RPTOR: variants seen among roughly 807,000 people sequenced by gnomAD.
The protein encoded by RPTOR is regulatory-associated protein of mTOR.
Under a neutral mutation model 169.9 loss-of-function variants are expected in RPTOR, and 21 were observed. The ratio of observed to expected loss-of-function variants is 0.12; its 90% CI spans 0.09 to 0.18. RPTOR has a LOEUF of 0.18. Among genes scored for constraint, RPTOR ranks in the 10% least tolerant of loss-of-function variants. The pLI is 1.00. For synonymous variants in RPTOR, 732 were observed against 753.2 expected, an observed-to-expected ratio of 0.97 and a Z score of 0.46; for missense variants, 1,133 against 1,855.9, an observed-to-expected ratio of 0.61 and a Z score of 7.16.
intron 4 of RPTOR, among the ~76,000 whole-genome samples, chr17:80,720,048 T>G (rs1422337956): frequency 6.6e-6 from 1 of 152,220 alleles, no homozygotes; most frequent in Non-Finnish European, 1.5e-5. Flanking sequence ...ACGCCTGTAA[T>G]CCCAACACTT....
At chr17:80,638,910 A>C (rs929783337) in intron 2 of RPTOR, among the ~76,000 whole-genome samples, 3 of 152,176 alleles carry the variant, frequency 2.0e-5, no homozygotes, top group African/African-American at 4.8e-5. Context: ...AGACTGTAAA[A>C]GATCTCGCTC....
chr17:80,839,036 G>C (rs1413163906), intron 10 of RPTOR, among the ~76,000 whole-genome samples: 1 of 152,246 alleles, frequency 6.6e-6, no homozygotes, highest in Non-Finnish European at 1.5e-5. Flanking sequence ...GGGCACCGAT[G>C]GTCAGGAAGG....
At chr17:80,723,668 G>A (rs1319530755) in intron 4 of RPTOR, among the ~76,000 whole-genome samples, 1 of 151,206 alleles carries the variant, frequency 6.6e-6, no homozygotes, top group East Asian at 1.9e-4. Context: ...GTTACTACTG[G>A]AGCATTAGTG....
At position 80,947,926 on chromosome 17, in the gene RPTOR, G is replaced by A. The variant is rs1305465750; in HGVS notation, c.3265+575G>A. ...GGGTTTTCGGGGGGTTTTTTGGAGG[G>A]GTCCGAAATGTCTTAGTTTCATCTT... On this transcript the variant is annotated intron_variant, in intron 27 of 33. Coordinates refer to ENST00000306801, the MANE Select transcript of RPTOR (RefSeq NM_020761.3). The surrounding 1 kb of genome is among the most constrained non-coding windows in gnomAD (Gnocchi z 4.4). Among the ~76,000 whole-genome samples the A allele has an allele frequency of 6.6e-6, 1 of 152,154 alleles. No individual in the cohort carries two copies. The highest frequency in any genetic ancestry group is 1.5e-5 in the Non-Finnish European group (1 of 68,032).
intron 1 of RPTOR, among the ~76,000 whole-genome samples, chr17:80,623,029 T>C (rs1306710663): frequency 6.6e-6 from 1 of 152,240 alleles, no homozygotes; most frequent in Admixed American, 6.5e-5. Flanking sequence ...ATAGAGAATC[T>C]TATCTCGATG....
intron 4 of RPTOR, among the ~76,000 whole-genome samples, chr17:80,712,876 A>G (rs2066207118): frequency 6.6e-6 from 1 of 152,190 alleles, no homozygotes; most frequent in South Asian, 2.1e-4. Flanking sequence ...GGTATGTAGT[A>G]GGATCTTATT....
chr17:80,650,922 G>A (rs9894736), intron 3 of RPTOR, among the ~76,000 whole-genome samples: 71,764 of 152,032 alleles, frequency 0.47, 18,277 homozygotes, highest in African/African-American at 0.68. Flanking sequence ...TTAGAGAGAA[G>A]TAGGGGCTTA....
At chr17:80,570,457 T>A (rs1036071997) in intron 1 of RPTOR, among the ~76,000 whole-genome samples, 9 of 152,054 alleles carry the variant, frequency 5.9e-5, no homozygotes, top group Admixed American at 3.3e-4. Context: ...TTGATTTTTT[T>A]ATTTTTATTT....
intron 7 of RPTOR, among the ~76,000 whole-genome samples, chr17:80,816,749 C>T (rs976312058): frequency 2.6e-5 from 4 of 152,304 alleles, no homozygotes; most frequent in Non-Finnish European, 4.4e-5. Flanking sequence ...AACCAGCTTT[C>T]GCATGGCAGG....
chr17:80,963,699 C>G lies in RPTOR; in HGVS notation c.3940-563C>G, dbSNP rs1267587663. On this transcript the variant is annotated intron_variant, in intron 33 of 33. Transcript: ENST00000306801. ...CCCCTGTGCGGCCCTCACCCCGTCCCCTGTGCGGCCCTCACCCCGTCCCCT... is the reference window on the plus strand; with the variant it reads ...CCCCTGTGCGGCCCTCACCCCGTCCGCTGTGCGGCCCTCACCCCGTCCCCT... Among the ~76,000 whole-genome samples the G allele has an allele frequency of 3.5e-4, 7 of 20,244 alleles. 3 individuals carry two copies. Among genetic ancestry groups the G allele is most frequent in the African/African-American group, 1.4e-3 (4 of 2,882 alleles). 13.3% of individuals were successfully genotyped at this position (20,244 alleles called of 152,430 possible).
intron 4 of RPTOR, among the ~76,000 whole-genome samples, chr17:80,715,372 T>C (rs1423332437): frequency 6.6e-6 from 1 of 152,214 alleles, no homozygotes; most frequent in Non-Finnish European, 1.5e-5. Context: ...TTACCAAAAC[T>C]GACCTAAAAT....
At chr17:80,605,548 G>A (rs916136240) in intron 1 of RPTOR, among the ~76,000 whole-genome samples, 1 of 152,116 alleles carries the variant, frequency 6.6e-6, no homozygotes, top group Non-Finnish European at 1.5e-5. Context: ...ATAGTCTTAA[G>A]TCTCTTATCT....
At chr17:80,883,360 C>A (rs2068207025) in intron 14 of RPTOR, 59 bp from the exon 15 acceptor site, 1 of 1,462,842 alleles carries the variant, frequency 6.8e-7, no homozygotes, top group Non-Finnish European at 9.6e-7. Context: ...CGCTGTTGTA[C>A]TTTGGGAATG....
chr17:80,621,462 G>A (rs1008219024), intron 1 of RPTOR, among the ~76,000 whole-genome samples: 72 of 152,186 alleles, frequency 4.7e-4, no homozygotes, highest in Non-Finnish European at 5.0e-4. Context: ...CCGTATCACC[G>A]CCCTGTGTCG....
chr17:80,816,039 C>T (rs530436747), intron 7 of RPTOR, among the ~76,000 whole-genome samples: 2 of 152,370 alleles, frequency 1.3e-5, no homozygotes, highest in East Asian at 3.9e-4. Context: ...GTCGGAGAGC[C>T]ACTGGGCTCT....
chr17:80,548,892 T>A (rs545662971), intron 1 of RPTOR, among the ~76,000 whole-genome samples: 11 of 152,376 alleles, frequency 7.2e-5, no homozygotes, highest in African/African-American at 2.6e-4. Flanking sequence ...ATTTTGCTTC[T>A]TCTTGTGGTT....
chr17:80,846,771 C>G (rs557611616), intron 11 of RPTOR, among the ~76,000 whole-genome samples, 197 bp downstream of exon 11: 1 of 152,390 alleles, frequency 6.6e-6, no homozygotes, highest in East Asian at 1.9e-4. Flanking sequence ...TCAGGAGTCA[C>G]TGGGCTGATC....
chr17:80,898,674 CCA>C lies in RPTOR; in HGVS notation c.2401+4811_2401+4812del, dbSNP rs1202535979. The stretch of plus-strand genomic sequence containing the variant: ...TGCCCCCGCTCCCCCCCCGCTCCCC[CCA>C]CCCCCCGCCGCCCCGACTCCCCCCG... On this transcript the variant is annotated intron_variant, in intron 20 of 33. Transcript: ENST00000306801. 8.4e-4 allele frequency among the ~76,000 whole-genome samples: 98 copies of C among 116,804 alleles called. 1 individual carries two copies. Among genetic ancestry groups the C allele is most frequent in the African/African-American group, 2.9e-3 (91 of 31,082 alleles). 76.6% of individuals were successfully genotyped at this position (116,804 alleles called of 152,430 possible).
intron 6 of RPTOR, among the ~76,000 whole-genome samples, chr17:80,767,678 C>G (rs1454796582): frequency 6.6e-6 from 1 of 152,130 alleles, no homozygotes; most frequent in Admixed American, 6.5e-5. Flanking sequence ...TAAATATCTG[C>G]TGACCATATT....
Sources: gnomAD v4.1 joint callset for allele counts (sites outside exome capture counted in the v4.1 genomes callset) on GRCh38, gnomAD v4.1.1 for gene constraint, Gnocchi (gnomAD v3.1) non-coding constraint, MANE v1.5 for transcripts, NCBI Gene and HGNC (gene_info 2026-07-23, HGNC 2026-07-21) for gene names.